Variants in TENM4 observed in about 807,000 individuals in gnomAD.
TENM4 encodes teneurin-4.
A neutral mutation model predicts 243.3 loss-of-function variants in TENM4; 82 were observed. The ratio of observed to expected loss-of-function variants is 0.34; its 90% CI spans 0.28 to 0.40. The LOEUF is 0.40. Ranked by LOEUF, TENM4 falls within the 10% of genes least tolerant of loss-of-function variation. The pLI, the probability that TENM4 is intolerant of heterozygous loss-of-function variation, is 1.00. For missense variants in TENM4, 3,138 were observed against 3,673.3 expected (o/e 0.85, Z 3.77); for synonymous variants, 1,412 against 1,456.3 (o/e 0.97, Z 0.69).
chr11:79,105,849 A>C (rs1387151478), intron 4 of TENM4, among the ~76,000 whole-genome samples: 1 of 152,238 alleles, frequency 6.6e-6, no homozygotes, highest in East Asian at 1.9e-4. Context: ...ATGCCGGGTG[A>C]ACTCTACTTA....
intron 1 of TENM4, among the ~76,000 whole-genome samples, chr11:79,301,264 C>G (rs967241401): frequency 6.6e-6 from 1 of 152,216 alleles, no homozygotes. Context: ...AAGGCTGCTT[C>G]CAGAACCTGG....
chr11:78,701,088 G>C (rs1229902121), intron 28 of TENM4, among the ~76,000 whole-genome samples: 1 of 152,138 alleles, frequency 6.6e-6, no homozygotes, highest in African/African-American at 2.4e-5. Context: ...TTGAAGACAA[G>C]AGCTTCAATT....
chr11:79,020,178 ACTGAT>A (rs1370968254), intron 6 of TENM4, among the ~76,000 whole-genome samples: 2 of 152,204 alleles, frequency 1.3e-5, no homozygotes, highest in African/African-American at 4.8e-5. Flanking sequence ...AGTGTGTGTT[ACTGAT>A]CCAGAGAAAT....
chr11:78,956,330 G>C lies in TENM4; in HGVS notation c.494-52807C>G, dbSNP rs561083722. On this transcript the variant is annotated intron_variant, in intron 6 of 33. Transcript: ENST00000278550. The stretch of plus-strand genomic sequence containing the variant: ...AGAAGACAGTGGGGCATCAAAGAAA[G>C]GGGGCCCGACAGCAGACAGTCTATC... Among the ~76,000 whole-genome samples, 8 of 152,228 alleles carry C rather than the reference G, an allele frequency of 5.3e-5. No homozygotes were observed. In the South Asian group the frequency reaches 1.7e-3, roughly 32 times the overall value.
Position 78,726,135 on chromosome 11 carries a change from G to T in TENM4, c.3494C>A (p.Ala1165Glu). 1 of 1,613,990 alleles carries T rather than the reference G, an allele frequency of 6.2e-7. No individual in the cohort carries two copies. Among genetic ancestry groups the T allele is most frequent in the Non-Finnish European group, 8.5e-7 (1 of 1,179,890 alleles). The change falls in exon 23 of 34, where the codon GCG (alanine) becomes GAG (glutamate). Residue 1165 changes from alanine (A) to glutamate (E), a missense_variant. Coordinates refer to ENST00000278550, the MANE Select transcript of TENM4 (RefSeq NM_001098816.3). ...TAGGCTCCATCCTCCAAGCTTGGAC[G>T]CGTCAATTTCATAGCCCTGCAGCAC... ...TTVLQGYEIDASKLGGWSLDK... is the reference protein window; with the variant it reads ...TTVLQGYEIDESKLGGWSLDK...
At chr11:79,399,675 C>T (rs756847848) in intron 1 of TENM4, among the ~76,000 whole-genome samples, 11 of 151,964 alleles carry the variant, frequency 7.2e-5, no homozygotes, top group East Asian at 1.9e-4. Flanking sequence ...GAAACACATA[C>T]ATTCACATCA....
intron 6 of TENM4, among the ~76,000 whole-genome samples, chr11:79,057,341 G>T (rs1859969097): frequency 6.7e-6 from 1 of 149,504 alleles, no homozygotes; most frequent in African/African-American, 2.6e-5. Context: ...TTTCAAACTA[G>T]CCACACACAC....
At chr11:79,330,504 C>G (rs945615941) in intron 1 of TENM4, among the ~76,000 whole-genome samples, 1 of 152,178 alleles carries the variant, frequency 6.6e-6, no homozygotes, top group Admixed American at 6.5e-5. Flanking sequence ...AGCATTCAGC[C>G]TGGTGCACAG....
chr11:79,416,044 T>C (rs907754337), intron 1 of TENM4, among the ~76,000 whole-genome samples: 2 of 152,256 alleles, frequency 1.3e-5, no homozygotes, highest in African/African-American at 4.8e-5. Context: ...TTGAGATTGA[T>C]CCATGTTGTT....
chr11:79,314,208 C>T (rs1474023506), intron 1 of TENM4, among the ~76,000 whole-genome samples: 1 of 152,178 alleles, frequency 6.6e-6, no homozygotes, highest in Non-Finnish European at 1.5e-5. Context: ...AATGATAATG[C>T]CTGCCTCGTG....
intron 4 of TENM4, among the ~76,000 whole-genome samples, chr11:79,132,628 TA>T (rs1280692165): frequency 2.0e-5 from 3 of 152,104 alleles, no homozygotes; most frequent in Admixed American, 2.0e-4. Context: ...TAAGAAAATT[TA>T]AATTATATCG....
intron 4 of TENM4, among the ~76,000 whole-genome samples, chr11:79,083,447 C>A (rs1591269055): frequency 6.6e-6 from 1 of 152,206 alleles, no homozygotes; most frequent in East Asian, 1.9e-4. Context: ...ATTCAAAAAC[C>A]ACACTCCCAA....
At chr11:79,343,665 A>T (rs539768759) in intron 1 of TENM4, among the ~76,000 whole-genome samples, 12 of 152,362 alleles carry the variant, frequency 7.9e-5, no homozygotes, top group Non-Finnish European at 1.6e-4. Flanking sequence ...TAAAAAAAAA[A>T]AAAATAGTTT....
In TENM4 at chr11:79,222,834, A is replaced by G. The variant is rs146091214; in HGVS notation, c.-264-6925T>C. 2.8e-3 allele frequency among the ~76,000 whole-genome samples: 426 copies of G among 152,196 alleles called. 6 individuals carry two copies. The highest frequency in any genetic ancestry group is 0.011 in the East Asian group (59 of 5,176). On this transcript the variant is annotated intron_variant, in intron 2 of 33. Transcript: ENST00000278550. ...AAGTGTCTGTTCATGTCCTTTGCACACTTTTTGATAGGGTTGTTTTTTTCT... is the reference window on the plus strand; with the variant it reads ...AAGTGTCTGTTCATGTCCTTTGCACGCTTTTTGATAGGGTTGTTTTTTTCT...
intron 15 of TENM4, among the ~76,000 whole-genome samples, chr11:78,801,513 A>G (rs748659566): frequency 6.6e-6 from 1 of 152,224 alleles, no homozygotes; most frequent in Non-Finnish European, 1.5e-5. Context: ...AAACACTTGT[A>G]TAAAATCTGA....
chr11:79,234,491 G>A (rs1250940119), intron 2 of TENM4, among the ~76,000 whole-genome samples: 1 of 152,016 alleles, frequency 6.6e-6, no homozygotes, highest in Non-Finnish European at 1.5e-5. Context: ...GCTCACAAAG[G>A]CCTGTTAACC....
At chr11:79,421,126 G>A (rs1190991197) in intron 1 of TENM4, among the ~76,000 whole-genome samples, 3 of 152,106 alleles carry the variant, frequency 2.0e-5, no homozygotes, top group Non-Finnish European at 4.4e-5. Context: ...CACAAGTAGA[G>A]GCATTCGAAA....
intron 6 of TENM4, among the ~76,000 whole-genome samples, chr11:79,019,950 G>C (rs569122209): frequency 6.6e-6 from 1 of 152,330 alleles, no homozygotes; most frequent in South Asian, 2.1e-4. Flanking sequence ...TCAGGCACCT[G>C]AGTACCTGGT....
intron 4 of TENM4, among the ~76,000 whole-genome samples, chr11:79,124,645 A>ATATATG (rs1050729366): frequency 7.5e-6 from 1 of 133,784 alleles, no homozygotes; most frequent in Non-Finnish European, 1.6e-5. Flanking sequence ...ATATATATAT[A>ATATATG]TGTGTGTGTG....
Sources: gnomAD v4.1 joint callset for allele counts (sites outside exome capture counted in the v4.1 genomes callset) on GRCh38, gnomAD v4.1.1 for gene constraint, MANE v1.5 for transcripts, NCBI Gene and HGNC (gene_info 2026-07-23, HGNC 2026-07-21) for gene names.